The following ZNF561 variants were observed in gnomAD, a reference collection of about 807,000 sequenced individuals.
ZNF561 encodes zinc finger protein 561.
A neutral mutation model predicts 16.7 loss-of-function variants in ZNF561; 16 were observed. The observed-to-expected ratio is 0.96, with a 90% confidence interval of 0.65 to 1.45. The LOEUF (loss-of-function observed/expected upper bound fraction) is 1.45. Among genes scored for constraint, ZNF561 ranks in the 40% most tolerant of loss-of-function variants. The probability of loss-of-function intolerance (pLI) is 0.00; values close to 1 mark genes in which losing one functional copy is unlikely to be tolerated. For missense variants in ZNF561, 580 were observed against 578.0 expected, an observed-to-expected ratio of 1.00 and a Z score of -0.04; for synonymous variants, 190 against 192.1, an observed-to-expected ratio of 0.99 and a Z score of 0.09.
intron 5 of ZNF561, among the ~76,000 whole-genome samples, chr19:9,611,791 A>G (rs1376132101): frequency 6.6e-6 from 1 of 152,062 alleles, no homozygotes. Flanking sequence ...TGCCTGGACT[A>G]TAGTGCACTG....
intron 4 of ZNF561, chr19:9,616,829 T>C (rs1599232112): frequency 2.2e-6 from 1 of 457,678 alleles, no homozygotes; most frequent in Non-Finnish European, 3.7e-6. Flanking sequence ...CTCTGGACCT[T>C]GTGATCCGTC....
At chr19:9,620,637 T>C (rs10407111) in intron 1 of ZNF561, among the ~76,000 whole-genome samples, 23,862 of 152,128 alleles carry the variant, frequency 0.16, 2,104 homozygotes, top group Admixed American at 0.24. Flanking sequence ...CCCCCCGCCA[T>C]ATGACCAGAA....
chr19:9,618,738 A>G (rs916043611), intron 2 of ZNF561, among the ~76,000 whole-genome samples: 17 of 151,662 alleles, frequency 1.1e-4, no homozygotes, highest in Non-Finnish European at 4.4e-5. Context: ...AAAAAAAAAA[A>G]GTGACTCTCT....
chr19:9,616,077 G>A (rs1241900901), intron 4 of ZNF561, among the ~76,000 whole-genome samples: 1 of 152,190 alleles, frequency 6.6e-6, no homozygotes, highest in Non-Finnish European at 1.5e-5. Context: ...GGGGAAGGAA[G>A]ATGTATATTT....
intron 5 of ZNF561, among the ~76,000 whole-genome samples, chr19:9,611,795 T>C (rs777336722): frequency 6.6e-6 from 1 of 152,134 alleles, no homozygotes; most frequent in Admixed American, 6.5e-5. Context: ...TGGACTATAG[T>C]GCACTGGTGT....
rs376152333 is a variant in ZNF561 at position 9,610,987 on chromosome 19, C to G, written c.674G>C (p.Cys225Ser). The change falls in exon 6 of 6, where the codon TGT (cysteine) becomes TCT (serine). Residue 225 changes from cysteine (C) to serine (S), a missense_variant. Physicochemically the swap from Cys to Ser is moderately radical, Grantham distance 112. Transcript: ENST00000302851. ...HMGIHTDEKL[C>S]EFQEYGRAVT... Reference sequence around the variant, plus strand: ...AGCTCTCCCATATTCCTGAAATTCACAGAGTTTCTCATCAGTGTGGATTCC... The same window carrying G: ...AGCTCTCCCATATTCCTGAAATTCAGAGAGTTTCTCATCAGTGTGGATTCC... The G allele has an allele frequency of 6.2e-6, 10 of 1,614,032 alleles. No homozygotes were observed. Among genetic ancestry groups the G allele is most frequent in the African/African-American group, 1.3e-5 (1 of 74,934 alleles).
intron 5 of ZNF561, among the ~76,000 whole-genome samples, chr19:9,612,674 TCTTC>T (rs1405124686): frequency 6.6e-6 from 1 of 152,086 alleles, no homozygotes; most frequent in African/African-American, 2.4e-5. Flanking sequence ...TTACAATTTT[TCTTC>T]CTTGTTTTTA....
At chr19:9,612,742 T>C (rs757123878) in intron 5 of ZNF561, among the ~76,000 whole-genome samples, 1 of 152,232 alleles carries the variant, frequency 6.6e-6, no homozygotes, top group Non-Finnish European at 1.5e-5. Flanking sequence ...TTTGCCAGAA[T>C]TCTACGCCAC....
rs2074450161 is a variant in ZNF561, at chr19:9,611,208, A to G, written c.453T>C (p.Tyr151=). 8 of 1,613,954 alleles carry G rather than the reference A, an allele frequency of 5.0e-6. No individual in the cohort carries two copies. Among genetic ancestry groups the G allele is most frequent in the Middle Eastern group, 1.7e-4 (1 of 6,056 alleles). Residue 151 remains tyrosine (Y), a synonymous_variant, in exon 6 of 6, where the codon TAT becomes TAC. Coordinates refer to ENST00000302851, the MANE Select transcript of ZNF561 (RefSeq NM_152289.3). ...TGTGCACACTGAGGGTGTCTTTTCC[A>G]TAACAATTACCCTCAGAAGTATTCC... The part of the protein sequence containing the change: ...NGGNTSEGNC[Y]GKDTLSVHKE...
intron 1 of ZNF561, among the ~76,000 whole-genome samples, chr19:9,620,312 A>T (rs2074647531): frequency 6.6e-6 from 1 of 150,462 alleles, no homozygotes; most frequent in Non-Finnish European, 1.5e-5. Context: ...CTGGTCTTGA[A>T]CTCCTGGCCT....
chr19:9,610,289 A>G lies in ZNF561; in HGVS notation c.1372T>C (p.Phe458Leu). 6.2e-7 allele frequency: 1 copy of G among 1,614,118 alleles called. No homozygotes were observed. Among genetic ancestry groups the G allele is most frequent in the Non-Finnish European group, 8.5e-7 (1 of 1,179,994 alleles). Residue 458 changes from phenylalanine to leucine, a missense_variant, in exon 6 of 6, where the codon TTT (phenylalanine) becomes CTT (leucine). By Grantham distance (22) the Phe-to-Leu change is conservative. Coordinates refer to ENST00000302851, the MANE Select transcript of ZNF561 (RefSeq NM_152289.3). ...CTACTTAGGCGTGAGGAAACAGCAA[A>G]TGCTTTCCCACATTCTTTACATACG... is the stretch of plus-strand genomic sequence containing the variant. ...PFVCKECGKA[F>L]AVSSRLSRHE...
Position 9,609,046 on chromosome 19 carries a change from T to A in ZNF561, c.*1154A>T, listed in dbSNP as rs1417349768. On this transcript the variant is annotated 3_prime_UTR_variant, in exon 6 of 6. Transcript: ENST00000302851. ...CAAGGAACACCTGGCCCACCCACGGTGGAAAACTGGAAAACTGCTCAGGCA... is the reference window on the plus strand; with the variant it reads ...CAAGGAACACCTGGCCCACCCACGGAGGAAAACTGGAAAACTGCTCAGGCA... The A allele has an allele frequency of 6.6e-6, 1 of 152,082 alleles. No homozygotes were observed. The highest frequency in any genetic ancestry group is 2.1e-4 in the South Asian group (1 of 4,816). 9.4% of individuals were successfully genotyped at this position (152,082 alleles called of 1,614,324 possible).
At chr19:9,618,715 G>C (rs1208474092) in intron 2 of ZNF561, among the ~76,000 whole-genome samples, 1 of 150,810 alleles carries the variant, frequency 6.6e-6, no homozygotes, top group Non-Finnish European at 1.5e-5. Context: ...GACAGAGCAA[G>C]ACTCCGTCTC....
Position 9,610,950 on chromosome 19 carries a change from A to G in ZNF561, c.711T>C (p.Ser237=). 1 of 1,614,124 alleles carries G rather than the reference A, an allele frequency of 6.2e-7. No individual in the cohort carries two copies. Among genetic ancestry groups the G allele is most frequent in the African/African-American group, 1.3e-5 (1 of 75,056 alleles). The change falls in exon 6 of 6, where the codon TCT becomes TCC. Residue 237 remains serine (S), a synonymous_variant. Transcript: ENST00000302851. ...CTGCTACACACTGCTTTAGGTGTGA[A>G]GAAGCTGTGACAGCTCTCCCATATT... The part of the protein sequence containing the change: ...FQEYGRAVTA[S]SHLKQCVAVH...
rs1270690247 is a variant in ZNF561 at position 9,611,062 on chromosome 19, T to C, written c.599A>G (p.Lys200Arg). ...ATACTTAAAGCCTTTTCCACATTCCTTACATTTGTAGGGTTGTCTTGCATT... is the reference window on the plus strand; with the variant it reads ...ATACTTAAAGCCTTTTCCACATTCCCTACATTTGTAGGGTTGTCTTGCATT... Reference protein sequence around the residue: ...VLNARQPYKCKECGKGFKYFA... With the variant: ...VLNARQPYKCRECGKGFKYFA... Residue 200 changes from lysine (K) to arginine (R), a missense_variant, in exon 6 of 6, where the codon AAG becomes AGG. By Grantham distance (26) the Lys-to-Arg change is conservative. Coordinates refer to ENST00000302851, the MANE Select transcript of ZNF561 (RefSeq NM_152289.3). 2 of 1,614,044 alleles carry C rather than the reference T, an allele frequency of 1.2e-6. No homozygotes were observed. The highest frequency in any genetic ancestry group is 3.3e-5 in the Admixed American group (2 of 59,988).
intron 3 of ZNF561, 78 bp downstream of exon 3, chr19:9,618,013 G>T: frequency 1.5e-6 from 2 of 1,334,590 alleles, no homozygotes; most frequent in Non-Finnish European, 2.1e-6. Flanking sequence ...CTCTGAAGAT[G>T]AGTCTGTCTA....
In ZNF561 at chr19:9,608,415, G is replaced by A. The variant is rs1024612830; in HGVS notation, c.*1785C>T. 6.6e-6 allele frequency: 1 copy of A among 152,098 alleles called. No homozygotes were observed. Among genetic ancestry groups the A allele is most frequent in the African/African-American group, 2.4e-5 (1 of 41,412 alleles). 9.4% of individuals were successfully genotyped at this position (152,098 alleles called of 1,614,324 possible). On this transcript the variant is annotated 3_prime_UTR_variant, in exon 6 of 6. Transcript: ENST00000302851. ...CAGAAGTTGACCATGCTGGCACTCT[G>A]ATCTCAGACTTCCAGCCTCGAGAAA...
intron 3 of ZNF561, chr19:9,617,803 C>T (rs2074585175): frequency 4.1e-6 from 2 of 490,084 alleles, no homozygotes; most frequent in Non-Finnish European, 8.0e-6. Context: ...AGGACACTTT[C>T]ATCTGCTTTA....
chr19:9,615,367 T>G (rs1297604034), intron 4 of ZNF561, among the ~76,000 whole-genome samples: 1 of 150,706 alleles, frequency 6.6e-6, no homozygotes, highest in African/African-American at 2.4e-5. Flanking sequence ...GAGGTCGAGG[T>G]GGGTGGATCA....
Sources: allele counts gnomAD v4.1 joint callset (sites outside exome capture counted in the v4.1 genomes callset), GRCh38; gene constraint gnomAD v4.1.1; transcripts MANE v1.5; gene names NCBI Gene and HGNC (gene_info 2026-07-23, HGNC 2026-07-21).